CNTNAP2: variants seen among roughly 807,000 people sequenced by gnomAD.
The protein encoded by CNTNAP2 is contactin-associated protein-like 2.
In CNTNAP2, 98 loss-of-function variants were observed where a neutral mutation model predicts 155.2. That is an observed-to-expected ratio of 0.63 (90% CI 0.54 to 0.75). The LOEUF (loss-of-function observed/expected upper bound fraction) is 0.75, where lower values mean the gene tolerates loss of function less well. Among genes scored for constraint, CNTNAP2 ranks in the 30% least tolerant of loss-of-function variants. The pLI is 0.00. For missense variants in CNTNAP2, 1,727 were observed against 1,688.1 expected (o/e 1.02, Z -0.40); for synonymous variants, 651 against 631.2 (o/e 1.03, Z -0.47).
At chr7:147,194,510 C>T (rs1025564119) in intron 8 of CNTNAP2, among the ~76,000 whole-genome samples, 1 of 151,916 alleles carries the variant, frequency 6.6e-6, no homozygotes, top group African/African-American at 2.4e-5. Context: ...TACTGTCTTC[C>T]AAATGGTTGA....
At chr7:146,880,555 TGGAGTTGAAATATGAACC>T (rs1245853518) in intron 3 of CNTNAP2, among the ~76,000 whole-genome samples, 1 of 152,052 alleles carries the variant, frequency 6.6e-6, no homozygotes, top group African/African-American at 2.4e-5. Flanking sequence ...TACACAACAG[TGGAGTTGAAATATGAACC>T]CAGAGGCCAC....
chr7:148,196,052 C>T (rs1023880946), intron 18 of CNTNAP2, among the ~76,000 whole-genome samples: 4 of 152,116 alleles, frequency 2.6e-5, no homozygotes, highest in African/African-American at 9.7e-5. Context: ...ATCATTGTAC[C>T]GGGTTGCTAT....
chr7:147,225,774 GGAAGGAAGGAAGGAAGGAAGGAAGGAAA>G (rs1363157329), intron 8 of CNTNAP2, among the ~76,000 whole-genome samples: 1,994 of 136,448 alleles, frequency 0.015, 80 homozygotes, highest in African/African-American at 0.05. Flanking sequence ...AAGGAAGGAA[GGAAGGAAGGAAGGAAGGAAGGAAGGAAA>G]GAAAGAAAGA....
chr7:147,733,501 G>A (rs958299980), intron 13 of CNTNAP2, among the ~76,000 whole-genome samples: 11 of 152,076 alleles, frequency 7.2e-5, no homozygotes, highest in African/African-American at 2.7e-4. Context: ...TTGCCAATGT[G>A]GGCTCTTTTT....
chr7:147,059,877 T>C (rs915528047), intron 4 of CNTNAP2, among the ~76,000 whole-genome samples: 3 of 152,142 alleles, frequency 2.0e-5, no homozygotes, highest in African/African-American at 7.2e-5. Context: ...AATCAGAGCA[T>C]AACAGATTCA....
intron 16 of CNTNAP2, among the ~76,000 whole-genome samples, chr7:148,143,013 T>C (rs542169593): frequency 2.0e-5 from 3 of 152,362 alleles, no homozygotes; most frequent in East Asian, 1.9e-4. Context: ...CCTTATGTAT[T>C]TCTCTTTTAG....
At chr7:147,607,902 G>T (rs1260279036) in intron 12 of CNTNAP2, among the ~76,000 whole-genome samples, 2 of 152,084 alleles carry the variant, frequency 1.3e-5, no homozygotes, top group African/African-American at 2.4e-5. Flanking sequence ...ATTTGTTGTA[G>T]GTTATAAATG....
intron 10 of CNTNAP2, among the ~76,000 whole-genome samples, chr7:147,483,920 C>T (rs1242815153): frequency 6.6e-6 from 1 of 152,190 alleles, no homozygotes; most frequent in Non-Finnish European, 1.5e-5. Flanking sequence ...CTTATCAGTG[C>T]TTTTCTCGCC....
intron 11 of CNTNAP2, among the ~76,000 whole-genome samples, chr7:147,521,536 CA>C (rs1224520066): frequency 6.6e-6 from 1 of 152,194 alleles, no homozygotes; most frequent in Non-Finnish European, 1.5e-5. Flanking sequence ...GAGCCTGCCC[CA>C]AGGTGTTTCC....
At chr7:146,311,888 C>T (rs939408773) in intron 1 of CNTNAP2, 1 of 151,562 alleles carries the variant, frequency 6.6e-6, no homozygotes, top group African/African-American at 2.4e-5. Context: ...AAGTACTTAT[C>T]TATTACTTGA....
chr7:147,693,719 G>A (rs1796121816), intron 13 of CNTNAP2, among the ~76,000 whole-genome samples: 1 of 151,864 alleles, frequency 6.6e-6, no homozygotes, highest in Non-Finnish European at 1.5e-5. Context: ...TATTAACTCA[G>A]ATAGTTTTTT....
At chr7:147,510,721 T>C (rs1324446247) in intron 11 of CNTNAP2, among the ~76,000 whole-genome samples, 21 of 151,456 alleles carry the variant, frequency 1.4e-4, no homozygotes, top group Admixed American at 1.4e-3. Flanking sequence ...TGATAACTAG[T>C]ATGCACTTTA....
At chr7:147,482,722 A>G (rs1281740698) in intron 10 of CNTNAP2, among the ~76,000 whole-genome samples, 1 of 60,652 alleles carries the variant, frequency 1.6e-5, no homozygotes, top group Non-Finnish European at 4.1e-5. Flanking sequence ...TTCCGTCTCA[A>G]TAAATAAATA....
At chr7:146,902,842 AGATGGGCCCTC>A (rs1796030973) in intron 3 of CNTNAP2, among the ~76,000 whole-genome samples, 1 of 152,202 alleles carries the variant, frequency 6.6e-6, no homozygotes, top group Non-Finnish European at 1.5e-5. Flanking sequence ...CTGTTTCCCG[AGATGGGCCCTC>A]GATGACATGG....
chr7:147,348,755 A>G (rs1795921429), intron 9 of CNTNAP2, among the ~76,000 whole-genome samples: 1 of 152,080 alleles, frequency 6.6e-6, no homozygotes, highest in Non-Finnish European at 1.5e-5. Context: ...GGTATCCAAC[A>G]ACAGATGAAT....
chr7:146,928,658 G>A (rs1464439383), intron 3 of CNTNAP2, among the ~76,000 whole-genome samples: 2 of 152,230 alleles, frequency 1.3e-5, no homozygotes, highest in Non-Finnish European at 2.9e-5. Flanking sequence ...GAAGCACAAG[G>A]GGTCAGGGAG....
intron 1 of CNTNAP2, among the ~76,000 whole-genome samples, chr7:146,739,932 C>T (rs996067236): frequency 2.6e-5 from 4 of 151,844 alleles, no homozygotes; most frequent in Admixed American, 2.0e-4. Flanking sequence ...ACTTGGAGTC[C>T]ATTTAATCTT....
intron 8 of CNTNAP2, among the ~76,000 whole-genome samples, chr7:147,190,088 G>A (rs1362491381): frequency 6.6e-6 from 1 of 152,030 alleles, no homozygotes; most frequent in East Asian, 1.9e-4. Context: ...AGGGGTATTT[G>A]TATCCCAAAT....
intron 1 of CNTNAP2, among the ~76,000 whole-genome samples, chr7:146,175,319 G>C (rs1250090793): frequency 6.6e-6 from 1 of 152,172 alleles, no homozygotes; most frequent in Non-Finnish European, 1.5e-5. Flanking sequence ...AGGCAAGAAG[G>C]CTAAGAGGCA....
Sources: allele counts gnomAD v4.1 joint callset (sites outside exome capture counted in the v4.1 genomes callset), GRCh38; gene constraint gnomAD v4.1.1; transcripts MANE v1.5; gene names NCBI Gene and HGNC (gene_info 2026-07-23, HGNC 2026-07-21).